Variants in DIAPH2 observed in about 807,000 individuals in gnomAD.
DIAPH2 encodes protein diaphanous homolog 2.
A neutral mutation model predicts 92.7 loss-of-function variants in DIAPH2; 35 were observed. That is an observed-to-expected ratio of 0.38 (90% CI 0.29 to 0.50). The LOEUF (loss-of-function observed/expected upper bound fraction) is 0.50, where lower values mean the gene tolerates loss of function less well. DIAPH2 is among the 20% of genes least tolerant of loss of function. DIAPH2 has a pLI of 0.94. For missense variants in DIAPH2, 701 were observed against 819.5 expected (o/e 0.86, Z 1.77); for synonymous variants, 301 against 280.4 (o/e 1.07, Z -0.73).
At chrX:97,365,141 G>GT (rs766551002) in intron 24 of DIAPH2, among the ~76,000 whole-genome samples, 63 of 110,960 alleles carry the variant, frequency 5.7e-4, no homozygotes, top group African/African-American at 2.0e-3. Flanking sequence ...GACTCTATCT[G>GT]TTTTTTATGA....
intron 26 of DIAPH2, among the ~76,000 whole-genome samples, chrX:97,480,635 A>G (rs1050390168): frequency 7.2e-5 from 8 of 111,350 alleles, no homozygotes; most frequent in African/African-American, 2.6e-4. Context: ...TAGTAATAGA[A>G]CATTAAGATC....
At chrX:97,022,362 G>A (rs2066303947) in intron 17 of DIAPH2, among the ~76,000 whole-genome samples, 1 of 111,889 alleles carries the variant, frequency 8.9e-6, no homozygotes, top group Admixed American at 9.5e-5. Context: ...TTGGAAGATG[G>A]CGTGGTACTA....
At chrX:97,158,055 A>G (rs2067337805) in intron 22 of DIAPH2, among the ~76,000 whole-genome samples, 1 of 111,917 alleles carries the variant, frequency 8.9e-6, no homozygotes, top group Non-Finnish European at 1.9e-5. Context: ...TTATATATCA[A>G]AAGAAGTAAA....
chrX:96,882,341 G>A (rs1056715690), intron 5 of DIAPH2, among the ~76,000 whole-genome samples: 2 of 110,904 alleles, frequency 1.8e-5, no homozygotes, highest in Non-Finnish European at 3.8e-5. Flanking sequence ...GAGCCACCGC[G>A]CCCGGCCGAT....
intron 26 of DIAPH2, among the ~76,000 whole-genome samples, chrX:97,480,195 A>C (rs1279412400): frequency 9.0e-6 from 1 of 111,641 alleles, no homozygotes; most frequent in Non-Finnish European, 1.9e-5. Context: ...GTGTCCTTAT[A>C]AGTAGGCCAT....
At chrX:97,419,828 C>T (rs766506618) in intron 25 of DIAPH2, among the ~76,000 whole-genome samples, 1 of 112,197 alleles carries the variant, frequency 8.9e-6, no homozygotes, top group East Asian at 2.8e-4. Flanking sequence ...ACTCAGATTA[C>T]TTTGGTACAT....
chrX:97,432,134 C>T (rs752519711), intron 26 of DIAPH2, among the ~76,000 whole-genome samples: 53 of 111,582 alleles, frequency 4.7e-4, no homozygotes, highest in African/African-American at 1.6e-3. Context: ...AAAGGAAAAT[C>T]CAAAAAACAC....
chrX:96,971,159 A>G (rs765450332), intron 17 of DIAPH2, among the ~76,000 whole-genome samples: 11 of 111,860 alleles, frequency 9.8e-5, no homozygotes, highest in African/African-American at 3.6e-4. Context: ...TGTTTTACCA[A>G]TGAAGAAACT....
intron 17 of DIAPH2, among the ~76,000 whole-genome samples, chrX:96,993,073 T>A (rs1413471655): frequency 8.9e-6 from 1 of 112,581 alleles, no homozygotes; most frequent in African/African-American, 3.2e-5. Context: ...GTGTCTTACT[T>A]TAAAACTGAT....
At chrX:96,897,290 C>A (rs1213652287) in intron 5 of DIAPH2, among the ~76,000 whole-genome samples, 1 of 111,265 alleles carries the variant, frequency 9.0e-6, no homozygotes, top group African/African-American at 3.3e-5. Context: ...AGTGTACATT[C>A]ATTGTACCCA....
chrX:97,261,591 G>C (rs925388460), intron 23 of DIAPH2, among the ~76,000 whole-genome samples: 1 of 109,259 alleles, frequency 9.2e-6, no homozygotes, highest in African/African-American at 3.3e-5. Flanking sequence ...TTTATTTTTA[G>C]AGATGAGGTC....
At chrX:97,276,699 A>C (rs1261188197) in intron 23 of DIAPH2, among the ~76,000 whole-genome samples, 2 of 112,292 alleles carry the variant, frequency 1.8e-5, no homozygotes, top group Non-Finnish European at 3.8e-5. Flanking sequence ...TCTCCTCCAG[A>C]GTTTACCACT....
intron 1 of DIAPH2, among the ~76,000 whole-genome samples, chrX:96,731,673 ATAAG>A (rs945809834): frequency 8.9e-6 from 1 of 111,741 alleles, no homozygotes; most frequent in African/African-American, 3.3e-5. Flanking sequence ...ATTAGAGTTT[ATAAG>A]TAAGTCAGTC....
intron 5 of DIAPH2, among the ~76,000 whole-genome samples, chrX:96,900,901 C>A (rs1050843679): frequency 9.0e-6 from 1 of 111,603 alleles, no homozygotes; most frequent in African/African-American, 3.3e-5. Context: ...CAATGTTCAC[C>A]AGGGATATTG....
chrX:96,709,860 T>A (rs1368612907), intron 1 of DIAPH2, among the ~76,000 whole-genome samples: 1 of 112,421 alleles, frequency 8.9e-6, no homozygotes, highest in Non-Finnish European at 1.9e-5. Flanking sequence ...ACAGATTTTA[T>A]TCTAATTATT....
intron 4 of DIAPH2, among the ~76,000 whole-genome samples, chrX:96,873,377 C>T (rs984887686): frequency 9.0e-6 from 1 of 110,907 alleles, no homozygotes; most frequent in Non-Finnish European, 1.9e-5. Flanking sequence ...TTTTCCTATT[C>T]TGTTGTCTCT....
chrX:96,875,300 A>G (rs187036171), intron 4 of DIAPH2, among the ~76,000 whole-genome samples: 1 of 111,819 alleles, frequency 8.9e-6, no homozygotes, highest in East Asian at 2.8e-4. Flanking sequence ...TCATCTAAAT[A>G]TTTGTTCTGT....
At chrX:96,884,226 A>G in intron 5 of DIAPH2, 2 of 821,155 alleles carry the variant, frequency 2.4e-6, no homozygotes, top group Non-Finnish European at 3.4e-6. Context: ...GAGAGCTCGA[A>G]GCCTTCTGTG....
chrX:97,382,993 G>C (rs1176258432), intron 24 of DIAPH2, among the ~76,000 whole-genome samples: 2 of 111,792 alleles, frequency 1.8e-5, no homozygotes, highest in African/African-American at 6.5e-5. Flanking sequence ...AAACAGAGCA[G>C]CTTGATGGAG....
Sources: gnomAD v4.1 joint callset for allele counts (sites outside exome capture counted in the v4.1 genomes callset) on GRCh38, gnomAD v4.1.1 for gene constraint, MANE v1.5 for transcripts, NCBI Gene and HGNC (gene_info 2026-07-23, HGNC 2026-07-21) for gene names.